Variants in SHISA9 observed in about 807,000 individuals in gnomAD.
The protein encoded by SHISA9 is shisa family member 9.
In SHISA9, 13 loss-of-function variants were observed where a neutral mutation model predicts 38.0. That is an observed-to-expected ratio of 0.34 (90% confidence interval 0.22 to 0.54). The LOEUF (loss-of-function observed/expected upper bound fraction) is 0.54. SHISA9 is among the 20% of genes least tolerant of loss of function. SHISA9 has a pLI of 0.91. For synonymous variants in SHISA9, 275 were observed against 242.0 expected (o/e 1.14, Z -1.27); for missense variants, 538 against 575.8 (o/e 0.93, Z 0.67).
chr16:12,902,496 C>A lies in SHISA9; in HGVS notation c.432C>A (p.Asp144Glu), dbSNP rs1258523619. The A allele has an allele frequency of 5.2e-6, 8 of 1,551,610 alleles. No homozygotes were observed. The highest frequency in any genetic ancestry group is 6.1e-6 in the Non-Finnish European group (7 of 1,146,992). ...PPARKDDPLH[D>E]PTKDKTNLIV... Reference sequence around the variant, plus strand: ...CCCGCAAGGACGACCCCTTGCACGACCCCACCAAGGACAAGACCAACCTGA... The same window carrying A: ...CCCGCAAGGACGACCCCTTGCACGAACCCACCAAGGACAAGACCAACCTGA... Residue 144 changes from aspartate to glutamate, a missense_variant, in exon 1 of 5, where the codon GAC (aspartate) becomes GAA (glutamate). By Grantham distance (45) the Asp-to-Glu change is conservative (BLOSUM62 2). This residue lies in a region of SHISA9 where 88 missense variants were observed against 109.7 expected (regional missense o/e 0.80). Transcript: ENST00000558583.
At chr16:13,416,968 T>C in the SHISA9 span, among the ~76,000 whole-genome samples, 1 of 152,152 alleles carries the variant, frequency 6.6e-6, no homozygotes, top group Non-Finnish European at 1.5e-5. Flanking sequence ...TTCTTAAAAT[T>C]ACCTCTGGAA....
chr16:13,037,109 G>GACACACACACAC (rs1207707042), intron 2 of SHISA9, among the ~76,000 whole-genome samples: 5 of 105,204 alleles, frequency 4.8e-5, no homozygotes, highest in African/African-American at 1.1e-4. Context: ...CACACACACA[G>GACACACACACAC]ACACACACAC....
At chr16:13,533,463 A>G in the SHISA9 span, among the ~76,000 whole-genome samples, 2 of 152,158 alleles carry the variant, frequency 1.3e-5, no homozygotes, top group African/African-American at 2.4e-5. Context: ...TATTTTTCCA[A>G]GATGACTACT....
the SHISA9 span, among the ~76,000 whole-genome samples, chr16:13,549,346 T>C: frequency 6.6e-6 from 1 of 152,156 alleles, no homozygotes; most frequent in East Asian, 1.9e-4. Context: ...ATGATAAATG[T>C]ATTAGGTGAT....
the SHISA9 span, among the ~76,000 whole-genome samples, chr16:13,300,451 CCTACT>C: frequency 6.6e-6 from 1 of 152,088 alleles, no homozygotes; most frequent in Non-Finnish European, 1.5e-5. Context: ...TTTCCCTCGA[CCTACT>C]CTGTGATATG....
intron 4 of SHISA9, among the ~76,000 whole-genome samples, chr16:13,215,722 T>A (rs1388374226): frequency 6.6e-6 from 1 of 151,942 alleles, no homozygotes; most frequent in South Asian, 2.1e-4. Context: ...TATCCTGCCT[T>A]GTCGGGGGAG....
chr16:13,469,415 A>AAGAAAG, the SHISA9 span, among the ~76,000 whole-genome samples: 3 of 122,522 alleles, frequency 2.4e-5, no homozygotes, highest in Non-Finnish European at 5.4e-5. Flanking sequence ...GAAAGAAAGA[A>AAGAAAG]AGAAAGAAAA....
intron 2 of SHISA9, among the ~76,000 whole-genome samples, chr16:13,189,481 C>G (rs7187047): frequency 6.6e-6 from 1 of 152,124 alleles, no homozygotes; most frequent in East Asian, 1.9e-4. Context: ...CTTCTCTGAG[C>G]TTTGGTTTCC....
At chr16:13,431,044 G>C in the SHISA9 span, among the ~76,000 whole-genome samples, 1 of 152,156 alleles carries the variant, frequency 6.6e-6, no homozygotes, top group Non-Finnish European at 1.5e-5. Flanking sequence ...AGGCTGTTTG[G>C]GAAACCTCTT....
chr16:13,134,434 C>G (rs1331232458), intron 2 of SHISA9, among the ~76,000 whole-genome samples: 1 of 152,068 alleles, frequency 6.6e-6, no homozygotes, highest in Non-Finnish European at 1.5e-5. Context: ...ATGGTTTCTT[C>G]CCAGGCCAAT....
chr16:13,310,283 G>A, the SHISA9 span, among the ~76,000 whole-genome samples: 1 of 152,040 alleles, frequency 6.6e-6, no homozygotes, highest in South Asian at 2.1e-4. Context: ...AGGACTGGAG[G>A]TGGGCTTTTA....
intron 2 of SHISA9, among the ~76,000 whole-genome samples, chr16:13,049,153 A>AGTTT: frequency 7.2e-6 from 1 of 138,534 alleles, no homozygotes; most frequent in East Asian, 2.5e-4. Flanking sequence ...TTTGGTTAGG[A>AGTTT]GTATGTGTGT....
At chr16:13,011,293 A>G (rs960231868) in intron 2 of SHISA9, among the ~76,000 whole-genome samples, 1 of 151,580 alleles carries the variant, frequency 6.6e-6, no homozygotes, top group Admixed American at 6.6e-5. Flanking sequence ...GCAAATTCAC[A>G]TAACCATCAT....
chr16:13,306,132 T>A, the SHISA9 span, among the ~76,000 whole-genome samples: 12 of 151,912 alleles, frequency 7.9e-5, no homozygotes, highest in East Asian at 2.1e-3. Flanking sequence ...TGCTGCAAAC[T>A]ATGTTTTTTG....
chr16:13,389,469 G>C, the SHISA9 span, among the ~76,000 whole-genome samples: 10 of 152,144 alleles, frequency 6.6e-5, no homozygotes, highest in Non-Finnish European at 1.3e-4. Flanking sequence ...CTATGTACAT[G>C]TGTATCAAAA....
At chr16:13,429,794 G>C in the SHISA9 span, among the ~76,000 whole-genome samples, 2 of 152,170 alleles carry the variant, frequency 1.3e-5, no homozygotes, top group African/African-American at 4.8e-5. Flanking sequence ...GTTTGCAGAT[G>C]ATGTATCAGC....
At chr16:12,971,907 C>T (rs933454985) in intron 2 of SHISA9, among the ~76,000 whole-genome samples, 3 of 152,032 alleles carry the variant, frequency 2.0e-5, no homozygotes, top group African/African-American at 4.8e-5. Flanking sequence ...CTATAGATTC[C>T]GGTCTGTCTT....
At position 13,200,830 on chromosome 16, in the gene SHISA9, A is replaced by C. The variant is rs189807962; in HGVS notation, c.692-2564A>C. 2.2e-3 allele frequency among the ~76,000 whole-genome samples: 294 copies of C among 135,618 alleles called. 68 individuals are homozygous for C. The highest frequency in any genetic ancestry group is 8.1e-3 in the African/African-American group (280 of 34,566). 89.0% of individuals were successfully genotyped at this position (135,618 alleles called of 152,430 possible). Reference sequence around the variant, plus strand: ...GGCTTGTGTGATGGCCCATGCAGGTAAAGTGATAAAAATACTGTCCCTAAC... The same window carrying C: ...GGCTTGTGTGATGGCCCATGCAGGTCAAGTGATAAAAATACTGTCCCTAAC... On this transcript the variant is annotated intron_variant, in intron 2 of 4. Coordinates refer to ENST00000558583, the MANE Select transcript of SHISA9 (RefSeq NM_001145204.3).
intron 2 of SHISA9, among the ~76,000 whole-genome samples, chr16:13,177,730 C>T (rs1469199064): frequency 2.0e-5 from 3 of 152,026 alleles, no homozygotes; most frequent in Non-Finnish European, 4.4e-5. Context: ...AGTGCAATGG[C>T]GCAGTCTAGG....
Sources: allele counts gnomAD v4.1 joint callset (sites outside exome capture counted in the v4.1 genomes callset), GRCh38; gene constraint gnomAD v4.1.1; regional missense constraint gnomAD v4.1.1; transcripts MANE v1.5; gene names NCBI Gene and HGNC (gene_info 2026-07-23, HGNC 2026-07-21).